The following MGAT4C variants were observed in gnomAD, a reference collection of about 807,000 sequenced individuals.
MGAT4C encodes alpha-1,3-mannosyl-glycoprotein 4-beta-N-acetylglucosaminyltransferase C.
A neutral mutation model predicts 40.1 loss-of-function variants in MGAT4C; 19 were observed. The ratio of observed to expected loss-of-function variants is 0.47; its 90% CI spans 0.33 to 0.70. MGAT4C has a LOEUF of 0.70. Among genes scored for constraint, MGAT4C ranks in the 30% least tolerant of loss-of-function variants. The pLI, the probability that MGAT4C is intolerant of heterozygous loss-of-function variation, is 0.02. For missense variants in MGAT4C, 491 were observed against 563.2 expected (o/e 0.87, Z 1.30); for synonymous variants, 181 against 187.1 (o/e 0.97, Z 0.27).
At chr12:86,826,564 T>G (rs1952812402) in intron 1 of MGAT4C, among the ~76,000 whole-genome samples, 1 of 151,642 alleles carries the variant, frequency 6.6e-6, no homozygotes, top group Admixed American at 6.6e-5. Context: ...CAAAAGCTGA[T>G]AGCAAATGTC....
chr12:86,600,443 A>G (rs578041401), intron 2 of MGAT4C, among the ~76,000 whole-genome samples: 1 of 152,310 alleles, frequency 6.6e-6, no homozygotes, highest in African/African-American at 2.4e-5. Context: ...TTTATAGTAT[A>G]AAAGGTCATT....
At chr12:86,788,097 T>TTA (rs1555229730) in intron 1 of MGAT4C, among the ~76,000 whole-genome samples, 2 of 151,582 alleles carry the variant, frequency 1.3e-5, no homozygotes, top group South Asian at 2.1e-4. Context: ...ATGTATTTAC[T>TTA]TATATATATA....
At chr12:85,994,872 G>T (rs1886432259) in intron 2 of MGAT4C, among the ~76,000 whole-genome samples, 1 of 152,074 alleles carries the variant, frequency 6.6e-6, no homozygotes. Flanking sequence ...GAAAACTGAA[G>T]ATTAAAATTT....
At chr12:86,139,581 G>A (rs1882535806) in intron 1 of MGAT4C, among the ~76,000 whole-genome samples, 1 of 151,696 alleles carries the variant, frequency 6.6e-6, no homozygotes, top group Non-Finnish European at 1.5e-5. Flanking sequence ...ATGTTGATGG[G>A]TATTTGGGAG....
At position 86,711,097 on chromosome 12, in the gene MGAT4C, G is replaced by A. The variant is rs1593140476; in HGVS notation, c.-229+16112C>T. Among the ~76,000 whole-genome samples the A allele has an allele frequency of 2.6e-5, 4 of 152,110 alleles. No homozygotes were observed. The East Asian group carries it at 5.8e-4, about 22-fold the overall frequency. ...ATATAGAGTACAGTGTACACTGGTC[G>A]GGTGACAGGTACACCAAAATCTCAG... On this transcript the variant is annotated intron_variant, in intron 2 of 7. Transcript: ENST00000548651.
intron 2 of MGAT4C, among the ~76,000 whole-genome samples, chr12:86,671,785 A>G (rs533292806): frequency 7.9e-5 from 12 of 152,264 alleles, no homozygotes; most frequent in Admixed American, 1.3e-4. Flanking sequence ...TCAAAAATGG[A>G]GCACCAAGAT....
chr12:86,231,344 C>T (rs1951315464), intron 1 of MGAT4C, among the ~76,000 whole-genome samples: 1 of 152,160 alleles, frequency 6.6e-6, no homozygotes, highest in South Asian at 2.1e-4. Context: ...TCTCAATATA[C>T]TTGGGGTAGA....
At chr12:86,351,669 A>G (rs2136192318) in intron 3 of MGAT4C, among the ~76,000 whole-genome samples, 1 of 152,172 alleles carries the variant, frequency 6.6e-6, no homozygotes, top group East Asian at 1.9e-4. Flanking sequence ...TTGTACATTG[A>G]CATGTTCAGT....
chr12:86,070,837 T>TA (rs1048434870), intron 1 of MGAT4C, among the ~76,000 whole-genome samples: 4 of 152,118 alleles, frequency 2.6e-5, no homozygotes, highest in South Asian at 4.2e-4. Context: ...TATTGATTTT[T>TA]AAAAAAACAT....
At chr12:86,437,499 T>C (rs1280778593) in intron 2 of MGAT4C, among the ~76,000 whole-genome samples, 1 of 151,918 alleles carries the variant, frequency 6.6e-6, no homozygotes. Flanking sequence ...CATATCATAT[T>C]AGTTAAATGA....
At chr12:86,220,757 C>T (rs1028306540) in intron 1 of MGAT4C, among the ~76,000 whole-genome samples, 4 of 152,162 alleles carry the variant, frequency 2.6e-5, no homozygotes. Flanking sequence ...AGCATTATCA[C>T]TCCATAACCA....
At chr12:86,313,441 T>C (rs1349139828) in intron 4 of MGAT4C, among the ~76,000 whole-genome samples, 3 of 152,206 alleles carry the variant, frequency 2.0e-5, no homozygotes, top group Non-Finnish European at 2.9e-5. Context: ...CATATGCTGA[T>C]TACTAAAAAA....
intron 1 of MGAT4C, among the ~76,000 whole-genome samples, chr12:86,162,072 G>A (rs139865774): frequency 6.6e-6 from 1 of 152,234 alleles, no homozygotes; most frequent in Non-Finnish European, 1.5e-5. Context: ...TCCTGCCACT[G>A]GAAAGCAGTC....
At chr12:86,675,059 C>G (rs1241050076) in intron 2 of MGAT4C, among the ~76,000 whole-genome samples, 1 of 152,084 alleles carries the variant, frequency 6.6e-6, no homozygotes, top group Non-Finnish European at 1.5e-5. Flanking sequence ...TTACAACACT[C>G]AGAAAAATTA....
At chr12:86,523,465 T>C (rs1209183919) in intron 2 of MGAT4C, among the ~76,000 whole-genome samples, 1 of 152,234 alleles carries the variant, frequency 6.6e-6, no homozygotes, top group African/African-American at 2.4e-5. Flanking sequence ...TTGGCTGTTC[T>C]GATTTCAGTA....
At chr12:86,019,396 G>A (rs529577772) in intron 2 of MGAT4C, among the ~76,000 whole-genome samples, 179 of 152,118 alleles carry the variant, frequency 1.2e-3, no homozygotes, top group African/African-American at 1.5e-3. Flanking sequence ...ATGGCAATTC[G>A]GTTTAAACAC....
chr12:86,012,757 A>AACAACC (rs1888600862), intron 2 of MGAT4C, among the ~76,000 whole-genome samples: 1 of 99,794 alleles, frequency 1.0e-5, no homozygotes, highest in Non-Finnish European at 2.3e-5. Context: ...CGTCTCAAAC[A>AACAACC]ACAACAACAA....
intron 2 of MGAT4C, among the ~76,000 whole-genome samples, chr12:86,539,831 G>T (rs908860343): frequency 8.5e-5 from 13 of 152,172 alleles, no homozygotes; most frequent in Non-Finnish European, 1.3e-4. Context: ...TTTGAGAAGT[G>T]TCTGTTCATA....
At chr12:86,122,053 T>C (rs2135684193) in intron 1 of MGAT4C, among the ~76,000 whole-genome samples, 1 of 152,300 alleles carries the variant, frequency 6.6e-6, no homozygotes, top group East Asian at 1.9e-4. Context: ...TAACTAAAAA[T>C]TTGAAAAATA....
Sources: allele counts gnomAD v4.1 joint callset (sites outside exome capture counted in the v4.1 genomes callset), GRCh38; gene constraint gnomAD v4.1.1; transcripts MANE v1.5; gene names NCBI Gene and HGNC (gene_info 2026-07-23, HGNC 2026-07-21).